APOBR: variants seen among roughly 807,000 people sequenced by gnomAD.
APOBR encodes apolipoprotein B receptor, also known as apoB-48R.
A neutral mutation model predicts 88.5 loss-of-function variants in APOBR; 57 were observed. That is an observed-to-expected ratio of 0.64 (90% confidence interval 0.52 to 0.80). APOBR has a LOEUF of 0.80. Among genes scored for constraint, APOBR ranks in the 30% least tolerant of loss-of-function variants. The probability of loss-of-function intolerance (pLI) is 0.00; values close to 1 mark genes in which losing one functional copy is unlikely to be tolerated. For synonymous variants in APOBR, 588 were observed against 572.7 expected (o/e 1.03, Z -0.38); for missense variants, 1,443 against 1,401.6 (o/e 1.03, Z -0.47).
rs1235644320 is a variant in APOBR at position 28,495,731 on chromosome 16, G to A, written c.690G>A (p.Glu230=). 6 of 1,534,432 alleles carry A rather than the reference G, an allele frequency of 3.9e-6. No individual in the cohort carries two copies. ...GGGAGATGGAGCAGGGGGTCAGGGA[G>A]GCAGATGCAGGGGAAACTGAGGAGC... ...DNREMEQGVR[E]ADAGETEEPG... The change falls in exon 2 of 4, where the codon GAG becomes GAA. Residue 230 remains glutamate (E), a synonymous_variant. Coordinates refer to ENST00000564831, the MANE Select transcript of APOBR (RefSeq NM_018690.4).
In APOBR at chr16:28,498,858, G is replaced by T; in HGVS notation, c.*353G>T. The T allele has an allele frequency of 1.7e-6, 1 of 573,906 alleles. No homozygotes were observed. The highest frequency in any genetic ancestry group is 3.2e-6 in the Non-Finnish European group (1 of 310,252). The allele number at this position is 573,906 out of a possible 1,614,324, so 35.6% of individuals were successfully genotyped here. ...AGAGCTTTGGGAGGCCAAGGTGGGA[G>T]GATCGCTTGAGACCAGGAGTTCGAG... On this transcript the variant is annotated 3_prime_UTR_variant, in exon 4 of 4. Coordinates refer to ENST00000564831, the MANE Select transcript of APOBR (RefSeq NM_018690.4).
In APOBR at chr16:28,496,839, A is replaced by T; in HGVS notation, c.1798A>T (p.Arg600Trp). 6.4e-7 allele frequency: 1 copy of T among 1,559,496 alleles called. No homozygotes were observed. Among genetic ancestry groups the T allele is most frequent in the South Asian group, 1.2e-5 (1 of 84,658 alleles). Residue 600 changes from arginine to tryptophan, a missense_variant, in exon 2 of 4, where the codon AGG becomes TGG. Transcript: ENST00000564831. ...GGCCCTGAGCAAAGAGGAGCAGGAG[A>T]GGAGCCTGGAGGCAGGTCCCAGGCA... Reference protein sequence around the residue: ...VLALSKEEQERSLEAGPRHAG... With the variant: ...VLALSKEEQEWSLEAGPRHAG...
In APOBR at chr16:28,497,170, A is replaced by G. The variant is rs201730712; in HGVS notation, c.2129A>G (p.Asp710Gly). 2,186 of 1,604,222 alleles carry G rather than the reference A, an allele frequency of 1.4e-3. 19 individuals are homozygous for G. Among genetic ancestry groups the G allele is most frequent in the South Asian group, 0.012 (1,105 of 89,174 alleles). Residue 710 changes from aspartate to glycine, a missense_variant, in exon 2 of 4, where the codon GAC becomes GGC. By Grantham distance (94) the Asp-to-Gly change is moderately conservative. Transcript: ENST00000564831. ...NQELDGSTGA[D>G]AGPCPSLGEA... is the part of the protein sequence containing the mutation. ...GAGCTGGACGGAAGCACAGGGGCAG[A>G]CGCAGGGCCTTGCCCGTCACTGGGA...
Position 28,495,965 on chromosome 16 carries a change from G to A in APOBR, c.924G>A (p.Glu308=). Residue 308 remains glutamate, a synonymous_variant, in exon 2 of 4, where the codon GAG becomes GAA. Transcript: ENST00000564831. ...GEEARTISGG[E]EAETASGGEE... ...AAGCCAGGACAATCTCAGGCGGGGAGGAGGCTGAGACAGCCTCAGGCGGGG... is the reference window on the plus strand; with the variant it reads ...AAGCCAGGACAATCTCAGGCGGGGAAGAGGCTGAGACAGCCTCAGGCGGGG... 6.2e-7 allele frequency: 1 copy of A among 1,609,734 alleles called. No homozygotes were observed. Among genetic ancestry groups the A allele is most frequent in the South Asian group, 1.1e-5 (1 of 90,970 alleles).
Position 28,498,497 on chromosome 16 carries a change from C to T in APOBR, c.3286C>T (p.Pro1096Ser). The change falls in exon 4 of 4, where the codon CCC becomes TCC. Residue 1096 changes from proline to serine, a missense_variant. Coordinates refer to ENST00000564831, the MANE Select transcript of APOBR (RefSeq NM_018690.4). The stretch of plus-strand genomic sequence containing the variant: ...GCAAGCCCGTCTGGGCCGGCCTAAG[C>T]CCCAGTGACTGAGACCCGGTGCTCT... ...ELQARLGRPKPQ is the reference protein window; with the variant it reads ...ELQARLGRPKSQ 6.3e-7 allele frequency: 1 copy of T among 1,597,052 alleles called. No homozygotes were observed. The highest frequency in any genetic ancestry group is 8.5e-7 in the Non-Finnish European group (1 of 1,172,404).
intron 1 of APOBR, 146 bp from the exon 2 acceptor site, chr16:28,494,953 C>T (rs1488325979): frequency 2.2e-6 from 2 of 924,102 alleles, no homozygotes; most frequent in Non-Finnish European, 3.1e-6. Context: ...ATCGATGCCC[C>T]TTCTGGCTCC....
rs201285042 is a variant in APOBR, at chr16:28,496,773, G to A, written c.1732G>A (p.Glu578Lys). 1,348 of 1,576,332 alleles carry A rather than the reference G, an allele frequency of 8.6e-4. 14 individuals carry two copies. Among genetic ancestry groups the A allele is most frequent in the Middle Eastern group, 2.0e-3 (12 of 6,010 alleles). ...GGAQTPTKQP[E>K]EREAGEVELM... Reference sequence around the variant, plus strand: ...CGCCCAGACCCCAACTAAGCAACCCGAGGAAAGGGAGGCAGGGGAGGTGGA... The same window carrying A: ...CGCCCAGACCCCAACTAAGCAACCCAAGGAAAGGGAGGCAGGGGAGGTGGA... The change falls in exon 2 of 4, where the codon GAG (glutamate) becomes AAG (lysine). Residue 578 changes from glutamate to lysine, a missense_variant. Transcript: ENST00000564831.
chr16:28,498,395 A>T (rs772690998), intron 3 of APOBR, 41 bp from the exon 4 acceptor site: 14 of 1,597,140 alleles, frequency 8.8e-6, no homozygotes, highest in Non-Finnish European at 1.2e-5. Flanking sequence ...GACCGCGGGC[A>T]CCTGGGAACC....
chr16:28,497,931 G>A lies in APOBR; in HGVS notation c.2890G>A (p.Gly964Arg), dbSNP rs550088268. 1.4e-5 allele frequency: 23 copies of A among 1,613,510 alleles called. No individual in the cohort carries two copies. Among genetic ancestry groups the A allele is most frequent in the South Asian group, 7.7e-5 (7 of 91,068 alleles). ...TGCAGAAGCTGCGCCGGAGTCAGTCGGGGAAGCCGAGACGGCTGAGGCCAT... is the reference window on the plus strand; with the variant it reads ...TGCAGAAGCTGCGCCGGAGTCAGTCAGGGAAGCCGAGACGGCTGAGGCCAT... Reference protein sequence around the residue: ...APAEAAPESVGEAETAEAMGS... With the variant: ...APAEAAPESVREAETAEAMGS... Residue 964 changes from glycine to arginine, a missense_variant, in exon 2 of 4, where the codon GGG becomes AGG. Physicochemically the swap from Gly to Arg is moderately radical, Grantham distance 125. Transcript: ENST00000564831.
Position 28,495,431 on chromosome 16 carries a change from G to C in APOBR, c.390G>C (p.Gln130His). Reference protein sequence around the residue: ...AGETAKAARCQEPSAHLEARK... With the variant: ...AGETAKAARCHEPSAHLEARK... Reference sequence around the variant, plus strand: ...AGACAGCCAAGGCTGCCAGGTGCCAGGAGCCAAGCGCCCACTTGGAGGCCA... The same window carrying C: ...AGACAGCCAAGGCTGCCAGGTGCCACGAGCCAAGCGCCCACTTGGAGGCCA... Residue 130 changes from glutamine to histidine, a missense_variant, in exon 2 of 4, where the codon CAG becomes CAC. Physicochemically the swap from Gln to His is conservative, Grantham distance 24 (BLOSUM62 0). Coordinates refer to ENST00000564831, the MANE Select transcript of APOBR (RefSeq NM_018690.4). 6.4e-7 allele frequency: 1 copy of C among 1,561,034 alleles called. No individual in the cohort carries two copies. The highest frequency in any genetic ancestry group is 8.7e-7 in the Non-Finnish European group (1 of 1,152,816).
Position 28,495,273 on chromosome 16 carries a change from G to T in APOBR, c.232G>T (p.Ala78Ser). Residue 78 changes from alanine (A) to serine (S), a missense_variant, in exon 2 of 4, where the codon GCT becomes TCT. Physicochemically the swap from Ala to Ser is moderately conservative, Grantham distance 99. Coordinates refer to ENST00000564831, the MANE Select transcript of APOBR (RefSeq NM_018690.4). ...EGLRGSQNEG[A>S]GRLRGPGDDR... ...CCTTAGAGGCAGCCAAAACGAGGGGGCTGGAAGGCTGAGAGGGCCTGGAGA... is the reference window on the plus strand; with the variant it reads ...CCTTAGAGGCAGCCAAAACGAGGGGTCTGGAAGGCTGAGAGGGCCTGGAGA... 1 of 1,528,938 alleles carries T rather than the reference G, an allele frequency of 6.5e-7. No individual in the cohort carries two copies. The highest frequency in any genetic ancestry group is 1.3e-5 in the South Asian group (1 of 78,704). The allele number at this position is 1,528,938 out of a possible 1,614,324, so 94.7% of individuals were successfully genotyped here. A position where few individuals can be genotyped will look rare whatever the true frequency, so the allele number is the denominator to read the frequency against.
chr16:28,496,226 A>T lies in APOBR; in HGVS notation c.1185A>T (p.Pro395=). 1 of 1,599,126 alleles carries T rather than the reference A, an allele frequency of 6.3e-7. No homozygotes were observed. Among genetic ancestry groups the T allele is most frequent in the African/African-American group, 1.3e-5 (1 of 74,410 alleles). The change falls in exon 2 of 4, where the codon CCA becomes CCT. Residue 395 remains proline (P), a synonymous_variant. Coordinates refer to ENST00000564831, the MANE Select transcript of APOBR (RefSeq NM_018690.4). ...GACAGACAGAATATGGAGCAGTCCC[A>T]GGAGAAAGGCTCCTAGAGGCTACTG... is the stretch of plus-strand genomic sequence containing the variant. ...GVRQTEYGAV[P]GERLLEATGK...
In APOBR at chr16:28,497,563, TA is replaced by T. The variant is rs1196368343; in HGVS notation, c.2523del (p.Glu842ArgfsTer37). ...SREGGPWGGR[V>X]EAEESAGAED... ...GAGGGAGGACCTTGGGGAGGGCGGG[TA>T]GAGGCCGAGGAATCTGCAGGCGCAG... On this transcript the variant is annotated frameshift_variant, in exon 2 of 4. Coordinates refer to ENST00000564831, the MANE Select transcript of APOBR (RefSeq NM_018690.4). LOFTEE classifies it high-confidence loss of function. 5 of 1,604,300 alleles carry T rather than the reference TA, an allele frequency of 3.1e-6. No homozygotes were observed. Among genetic ancestry groups the T allele is most frequent in the Non-Finnish European group, 4.3e-6 (5 of 1,175,480 alleles).
chr16:28,495,268 AG>A lies in APOBR; in HGVS notation c.232del (p.Ala78LeufsTer4). On this transcript the variant is annotated frameshift_variant, in exon 2 of 4. Coordinates refer to ENST00000564831, the MANE Select transcript of APOBR (RefSeq NM_018690.4). LOFTEE classifies it high-confidence loss of function. ...DLEGLRGSQN[E>X]GAGRLRGPGD... ...GAGGGCCTTAGAGGCAGCCAAAACG[AG>A]GGGGCTGGAAGGCTGAGAGGGCCTG... is the stretch of plus-strand genomic sequence containing the variant. The A allele has an allele frequency of 1.3e-6, 2 of 1,525,692 alleles. No individual in the cohort carries two copies. The highest frequency in any genetic ancestry group is 8.8e-7 in the Non-Finnish European group (1 of 1,138,048). 94.5% of individuals were successfully genotyped at this position (1,525,692 alleles called of 1,614,324 possible). A position where few individuals can be genotyped will look rare whatever the true frequency, so the allele number is the denominator to read the frequency against.
In APOBR at chr16:28,495,274, C is replaced by T; in HGVS notation, c.233C>T (p.Ala78Val). 6.5e-7 allele frequency: 1 copy of T among 1,528,804 alleles called. No homozygotes were observed. Among genetic ancestry groups the T allele is most frequent in the Non-Finnish European group, 8.8e-7 (1 of 1,138,740 alleles). The allele number at this position is 1,528,804 out of a possible 1,614,324, so 94.7% of individuals were successfully genotyped here. A position where few individuals can be genotyped will look rare whatever the true frequency, so the allele number is the denominator to read the frequency against. ...EGLRGSQNEG[A>V]GRLRGPGDDR... ...CTTAGAGGCAGCCAAAACGAGGGGG[C>T]TGGAAGGCTGAGAGGGCCTGGAGAT... The change falls in exon 2 of 4, where the codon GCT (alanine) becomes GTT (valine). Residue 78 changes from alanine (A) to valine (V), a missense_variant. Ala to Val is a moderately conservative substitution (Grantham distance 64). Transcript: ENST00000564831.
chr16:28,495,689 G>A lies in APOBR; in HGVS notation c.648G>A (p.Lys216=), dbSNP rs1281743373. 1 of 1,534,186 alleles carries A rather than the reference G, an allele frequency of 6.5e-7. No individual in the cohort carries two copies. The highest frequency in any genetic ancestry group is 8.8e-7 in the Non-Finnish European group (1 of 1,137,472). The part of the protein sequence containing the change: ...TEGKAGAVGP[K]AAGDNREMEQ... The stretch of plus-strand genomic sequence containing the variant: ...GGAAGGCTGGTGCTGTTGGGCCAAA[G>A]GCGGCAGGGGACAACCGGGAGATGG... The change falls in exon 2 of 4, where the codon AAG becomes AAA. Residue 216 remains lysine, a synonymous_variant. Coordinates refer to ENST00000564831, the MANE Select transcript of APOBR (RefSeq NM_018690.4).
Position 28,494,733 on chromosome 16 carries a change from G to A in APOBR, c.52G>A (p.Ala18Thr), listed in dbSNP as rs1567267219. 1 of 1,610,310 alleles carries A rather than the reference G, an allele frequency of 6.2e-7. No homozygotes were observed. Among genetic ancestry groups the A allele is most frequent in the South Asian group, 1.1e-5 (1 of 90,790 alleles). ...LPGLHQALRGALDSLGTFVSY... is the reference protein window; with the variant it reads ...LPGLHQALRGTLDSLGTFVSY... Reference sequence around the variant, plus strand: ...TGGGCTGCACCAGGCCTTGAGGGGGGCACTGGTGAGAAGGGCAGACAGCTG... The same window carrying A: ...TGGGCTGCACCAGGCCTTGAGGGGGACACTGGTGAGAAGGGCAGACAGCTG... The change falls in exon 1 of 4, where the codon GCA becomes ACA. Residue 18 changes from alanine to threonine, a missense_variant. By Grantham distance (58) the Ala-to-Thr change is moderately conservative. Transcript: ENST00000564831.
chr16:28,497,862 G>T lies in APOBR; in HGVS notation c.2821G>T (p.Glu941Ter), dbSNP rs765123692. The T allele has an allele frequency of 1.2e-6, 2 of 1,612,130 alleles. No homozygotes were observed. Among genetic ancestry groups the T allele is most frequent in the Admixed American group, 1.7e-5 (1 of 59,526 alleles). ...EAKETEPESL[E>*]HVRGQEEQPT... Reference sequence around the variant, plus strand: ...CAAGGAGACTGAGCCAGAAAGCCTGGAACATGTCAGGGGCCAGGAGGAGCA... The same window carrying T: ...CAAGGAGACTGAGCCAGAAAGCCTGTAACATGTCAGGGGCCAGGAGGAGCA... Residue 941 changes from glutamate (E) to a stop codon, truncating the protein, a stop_gained, in exon 2 of 4, where the codon GAA becomes TAA. Coordinates refer to ENST00000564831, the MANE Select transcript of APOBR (RefSeq NM_018690.4). LOFTEE classifies it high-confidence loss of function.
chr16:28,497,138 G>C lies in APOBR; in HGVS notation c.2097G>C (p.Glu699Asp), dbSNP rs1296546822. 1.9e-6 allele frequency: 3 copies of C among 1,606,700 alleles called. No individual in the cohort carries two copies. Among genetic ancestry groups the C allele is most frequent in the Non-Finnish European group, 2.5e-6 (3 of 1,176,962 alleles). ...GTEEGEASVS[E>D]NQELDGSTGA... is the part of the protein sequence containing the mutation. ...AGGAGGGAGAGGCATCTGTCTCAGAGAACCAGGAGCTGGACGGAAGCACAG... is the reference window on the plus strand; with the variant it reads ...AGGAGGGAGAGGCATCTGTCTCAGACAACCAGGAGCTGGACGGAAGCACAG... The change falls in exon 2 of 4, where the codon GAG (glutamate) becomes GAC (aspartate). Residue 699 changes from glutamate to aspartate, a missense_variant. Glu to Asp is a conservative substitution (Grantham distance 45, BLOSUM62 2). Transcript: ENST00000564831.
Sources: gnomAD v4.1 joint callset for allele counts on GRCh38, gnomAD v4.1.1 for gene constraint, MANE v1.5 for transcripts, NCBI Gene and HGNC (gene_info 2026-07-23, HGNC 2026-07-21) for gene names.